ABCA13: variants seen among roughly 807,000 people sequenced by gnomAD.
ABCA13 encodes ATP-binding cassette sub-family A member 13.
ABCA13 carries 476 observed loss-of-function variants against 478.7 expected under a neutral mutation model. The ratio of observed to expected loss-of-function variants is 0.99; its 90% CI spans 0.92 to 1.07. The LOEUF (loss-of-function observed/expected upper bound fraction) is 1.07. Among genes scored for constraint, ABCA13 ranks in the 50% least tolerant of loss-of-function variants. The pLI is 0.00. For missense variants in ABCA13, 6,060 were observed against 5,910.6 expected, an observed-to-expected ratio of 1.03 and a Z score of -0.83; for synonymous variants, 2,252 against 2,158.9, an observed-to-expected ratio of 1.04 and a Z score of -1.20.
At chr7:48,602,810 AT>A (rs1354644145) in intron 58 of ABCA13, among the ~76,000 whole-genome samples, 18 of 151,970 alleles carry the variant, frequency 1.2e-4, no homozygotes, top group Non-Finnish European at 8.8e-5. Context: ...TCTATAAATT[AT>A]TTTGGACAGT....
At chr7:48,343,712 C>T (rs1161566685) in intron 29 of ABCA13, among the ~76,000 whole-genome samples, 1 of 151,856 alleles carries the variant, frequency 6.6e-6, no homozygotes, top group East Asian at 1.9e-4. Context: ...ATACACTGTA[C>T]CCAATGTGTA....
chr7:48,278,645 G>A lies in ABCA13; in HGVS notation c.7451G>A (p.Arg2484Lys), dbSNP rs79834369. The A allele has an allele frequency of 8.4e-3, 13,505 of 1,613,576 alleles. 93 individuals are homozygous for A. Among genetic ancestry groups the A allele is most frequent in the Non-Finnish European group, 9.6e-3 (11,325 of 1,179,512 alleles). ...AAGAGATTAGTTGGTGCTATTTCAAGAGCAAGTGAAGAAAGTCACGTCCTG... is the reference window on the plus strand; with the variant it reads ...AAGAGATTAGTTGGTGCTATTTCAAAAGCAAGTGAAGAAAGTCACGTCCTG... ...ITKRLVGAIS[R>K]ASEESHVLKP... Residue 2484 changes from arginine to lysine, a missense_variant, in exon 18 of 62, where the codon AGA (arginine) becomes AAA (lysine). Coordinates refer to ENST00000435803, the MANE Select transcript of ABCA13 (RefSeq NM_152701.5).
intron 54 of ABCA13, among the ~76,000 whole-genome samples, chr7:48,525,371 C>A (rs116472744): frequency 6.6e-6 from 1 of 151,984 alleles, no homozygotes; most frequent in Non-Finnish European, 1.5e-5. Flanking sequence ...TTTGCCGGTA[C>A]CTCTCCATAG....
chr7:48,273,647 A>G lies in ABCA13; in HGVS notation c.3981A>G (p.Leu1327=), dbSNP rs557846671. The G allele has an allele frequency of 1.1e-5, 18 of 1,606,868 alleles. No individual in the cohort carries two copies. In the Admixed American group the frequency reaches 2.5e-4, roughly 23 times the overall value. ...GEKFENIITE[L]REAIVFLRNV... ...AATTTGAAAATATCATCACTGAGCT[A>G]AGAGAAGCAATAGTATTTCTTAGAA... is the stretch of plus-strand genomic sequence containing the variant. Residue 1327 remains leucine (L), a synonymous_variant, in exon 17 of 62, where the codon CTA becomes CTG. Coordinates refer to ENST00000435803, the MANE Select transcript of ABCA13 (RefSeq NM_152701.5).
At position 48,520,258 on chromosome 7, in the gene ABCA13, G is replaced by C; in HGVS notation, c.14015G>C (p.Arg4672Thr). ...CAGGGCACAGTACTTCTCCTCTTGAGGGTTCTGCTACACTGGGACCTTCTG... is the reference window on the plus strand; with the variant it reads ...CAGGGCACAGTACTTCTCCTCTTGACGGTTCTGCTACACTGGGACCTTCTG... ...ASQGTVLLLL[R>T]VLLHWDLLRW... Residue 4672 changes from arginine to threonine, a missense_variant, in exon 53 of 62, where the codon AGG becomes ACG. Physicochemically the swap from Arg to Thr is moderately conservative, Grantham distance 71. Around this residue, in one of 3 missense-constraint regions of ABCA13, gnomAD observed 1,627 missense variants for 1,571.0 expected, o/e 1.04. Coordinates refer to ENST00000435803, the MANE Select transcript of ABCA13 (RefSeq NM_152701.5). 1 of 1,613,362 alleles carries C rather than the reference G, an allele frequency of 6.2e-7. No individual in the cohort carries two copies. Among genetic ancestry groups the C allele is most frequent in the Non-Finnish European group, 8.5e-7 (1 of 1,179,660 alleles).
chr7:48,528,236 T>G lies in ABCA13; in HGVS notation c.14245T>G (p.Cys4749Gly), dbSNP rs754495734. The G allele has an allele frequency of 1.3e-6, 2 of 1,568,504 alleles. No homozygotes were observed. The highest frequency in any genetic ancestry group is 1.7e-6 in the Non-Finnish European group (2 of 1,155,096). ...TTTACTTAACTTTGTTTCCTCTTAG[T>G]GCTTTGGACTTCTAGGGGTGAATGG... Reference protein sequence around the residue: ...DISLGIPKGECFGLLGVNGAG... With the variant: ...DISLGIPKGEGFGLLGVNGAG... Residue 4749 changes from cysteine to glycine, a missense_variant and splice_region_variant, in exon 55 of 62, where the codon TGC becomes GGC. By Grantham distance (159) the Cys-to-Gly change is radical. Transcript: ENST00000435803.
At chr7:48,340,851 A>C (rs998105983) in intron 29 of ABCA13, among the ~76,000 whole-genome samples, 3 of 152,204 alleles carry the variant, frequency 2.0e-5, no homozygotes, top group Admixed American at 6.5e-5. Context: ...AAGTCCCTTC[A>C]TCTAGCTCTG....
At chr7:48,611,338 C>G (rs1407708040) in intron 58 of ABCA13, among the ~76,000 whole-genome samples, 1 of 152,230 alleles carries the variant, frequency 6.6e-6, no homozygotes, top group Non-Finnish European at 1.5e-5. Context: ...GCCCTCCAAA[C>G]TGTTCCAACC....
At chr7:48,557,928 C>G (rs1234035982) in intron 55 of ABCA13, among the ~76,000 whole-genome samples, 1 of 152,116 alleles carries the variant, frequency 6.6e-6, no homozygotes, top group Non-Finnish European at 1.5e-5. Flanking sequence ...AGGTCAATAA[C>G]TCTTAGATTT....
At chr7:48,607,340 C>T (rs1554581742) in intron 58 of ABCA13, among the ~76,000 whole-genome samples, 2 of 152,194 alleles carry the variant, frequency 1.3e-5, no homozygotes, top group Non-Finnish European at 1.5e-5. Context: ...GGCAATGCCC[C>T]ACCCTGCTTC....
chr7:48,631,797 A>G (rs1359839249), intron 59 of ABCA13, among the ~76,000 whole-genome samples: 2 of 152,150 alleles, frequency 1.3e-5, no homozygotes, highest in African/African-American at 4.8e-5. Flanking sequence ...CTTCTAATCC[A>G]TAAGCATGGG....
At chr7:48,558,890 A>G (rs75198233) in intron 55 of ABCA13, among the ~76,000 whole-genome samples, 70 of 152,276 alleles carry the variant, frequency 4.6e-4, no homozygotes, top group Middle Eastern at 3.4e-3. Flanking sequence ...TATTTATTTT[A>G]GTGTTTACAG....
intron 55 of ABCA13, among the ~76,000 whole-genome samples, chr7:48,541,919 A>G (rs949141373): frequency 6.6e-6 from 1 of 150,482 alleles, no homozygotes. Flanking sequence ...TTTTTTTTAC[A>G]TGACACAACA....
rs1208395791 is a variant in ABCA13 at position 48,275,708 on chromosome 7, C to T, written c.6042C>T (p.Ser2014=). The change falls in exon 17 of 62, where the codon AGC becomes AGT. Residue 2014 remains serine (S), a synonymous_variant. Transcript: ENST00000435803. ...TACAATTGATTTCTGAAGACTGGAG[C>T]CTAGAAAAAAGTACGCATAATCTAC... ...RTVQLISEDW[S]LEKSTHNLLS... is the part of the protein sequence containing the mutation. 2 of 1,600,124 alleles carry T rather than the reference C, an allele frequency of 1.2e-6. No homozygotes were observed. The highest frequency in any genetic ancestry group is 1.7e-6 in the Non-Finnish European group (2 of 1,172,626).
chr7:48,281,625 C>T (rs949439476), intron 19 of ABCA13, among the ~76,000 whole-genome samples, 173 bp downstream of exon 19: 1 of 152,220 alleles, frequency 6.6e-6, no homozygotes, highest in Non-Finnish European at 1.5e-5. Context: ...ATTCCCACCA[C>T]TGGGCCTCTA....
intron 39 of ABCA13, among the ~76,000 whole-genome samples, chr7:48,406,347 C>G (rs769356953): frequency 2.6e-5 from 4 of 152,182 alleles, no homozygotes; most frequent in Non-Finnish European, 5.9e-5. Context: ...CTTCAGTGTT[C>G]TCATTTGCAA....
chr7:48,431,265 G>A (rs1005760986), intron 42 of ABCA13, among the ~76,000 whole-genome samples: 1 of 151,904 alleles, frequency 6.6e-6, no homozygotes, highest in African/African-American at 2.4e-5. Flanking sequence ...ACTTCTGAAC[G>A]TGGGAGGTGG....
intron 43 of ABCA13, among the ~76,000 whole-genome samples, chr7:48,461,972 T>C (rs186720263): frequency 8.1e-4 from 123 of 152,226 alleles, no homozygotes; most frequent in African/African-American, 2.6e-3. Flanking sequence ...TGGGAAAGTC[T>C]TATAGGTAGA....
At chr7:48,471,841 C>T (rs893879658) in intron 45 of ABCA13, among the ~76,000 whole-genome samples, 1 of 152,124 alleles carries the variant, frequency 6.6e-6, no homozygotes, top group African/African-American at 2.4e-5. Flanking sequence ...TTTAACATTC[C>T]CCTGGCATTC....
Sources: gnomAD v4.1 joint callset for allele counts (sites outside exome capture counted in the v4.1 genomes callset) on GRCh38, gnomAD v4.1.1 for gene constraint, gnomAD v4.1.1 regional missense constraint, MANE v1.5 for transcripts, NCBI Gene and HGNC (gene_info 2026-07-23, HGNC 2026-07-21) for gene names.